The following FAM193A variants were observed in gnomAD, a reference collection of about 807,000 sequenced individuals.
The protein encoded by FAM193A is protein FAM193A.
In FAM193A, 22 loss-of-function variants were observed where a neutral mutation model predicts 126.5. The observed-to-expected ratio is 0.17, with a 90% CI of 0.12 to 0.25. The LOEUF is 0.25. Ranked by LOEUF, FAM193A falls within the 10% of genes least tolerant of loss-of-function variation. FAM193A has a pLI of 1.00. For synonymous variants in FAM193A, 761 were observed against 646.8 expected, an observed-to-expected ratio of 1.18 and a Z score of -2.68; for missense variants, 1,675 against 1,672.8, an observed-to-expected ratio of 1.00 and a Z score of -0.02.
At chr4:2,686,558 A>C (rs1434870755) in intron 13 of FAM193A, among the ~76,000 whole-genome samples, 1 of 149,216 alleles carries the variant, frequency 6.7e-6, no homozygotes, top group Non-Finnish European at 1.5e-5. Context: ...GTGGTTTTGC[A>C]GAGGAGGTGA....
rs563980294 is a variant in FAM193A at position 2,556,849 on chromosome 4, C to T, written c.255+19679C>T. Among the ~76,000 whole-genome samples, 4 of 152,222 alleles carry T rather than the reference C, an allele frequency of 2.6e-5. No individual in the cohort carries two copies. The East Asian group carries it at 7.7e-4, about 29-fold the overall frequency. Reference sequence around the variant, plus strand: ...ACATTGTTCTCTTGAATATTTTGAGCACCATGTTAGATAGAGCTTGAAACT... The same window carrying T: ...ACATTGTTCTCTTGAATATTTTGAGTACCATGTTAGATAGAGCTTGAAACT... On this transcript the variant is annotated intron_variant, in intron 1 of 20. Coordinates refer to ENST00000637812, the MANE Select transcript of FAM193A (RefSeq NM_001366318.2).
Position 2,646,725 on chromosome 4 carries a change from T to C in FAM193A, c.1204T>C (p.Tyr402His). The C allele has an allele frequency of 6.2e-7, 1 of 1,613,954 alleles. No individual in the cohort carries two copies. Among genetic ancestry groups the C allele is most frequent in the Middle Eastern group, 1.7e-4 (1 of 6,060 alleles). ...TTHDTCSEDTYSTLLQRYQRS... is the reference protein window; with the variant it reads ...TTHDTCSEDTHSTLLQRYQRS... ...ACACGACACCTGCAGTGAGGACACA[T>C]ACAGTACCTTGCTGCAGAGGTACCA... Residue 402 changes from tyrosine to histidine, a missense_variant, in exon 7 of 21, where the codon TAC becomes CAC. Transcript: ENST00000637812.
At chr4:2,549,398 T>C (rs1166198638) in intron 1 of FAM193A, among the ~76,000 whole-genome samples, 26 of 137,100 alleles carry the variant, frequency 1.9e-4, no homozygotes, top group Non-Finnish European at 3.4e-4. Context: ...TTTTTTTCTT[T>C]TTTTTTTTTT....
intron 5 of FAM193A, among the ~76,000 whole-genome samples, chr4:2,634,922 A>G: frequency 6.6e-6 from 1 of 152,212 alleles, no homozygotes; most frequent in Non-Finnish European, 1.5e-5. Flanking sequence ...TGCGCAGTTA[A>G]TCAGCATTTT....
chr4:2,724,017 C>T (rs925769258), intron 20 of FAM193A, among the ~76,000 whole-genome samples: 3 of 116,340 alleles, frequency 2.6e-5, no homozygotes, highest in Non-Finnish European at 1.8e-5. Flanking sequence ...TGGCATGAGG[C>T]CAACAGAATG....
At chr4:2,586,451 G>T (rs962148577) in intron 1 of FAM193A, among the ~76,000 whole-genome samples, 4 of 151,734 alleles carry the variant, frequency 2.6e-5, no homozygotes, top group African/African-American at 9.7e-5. Flanking sequence ...CCCGGTTTGG[G>T]TATCTAGTTG....
At chr4:2,630,330 TA>T (rs3037154) in intron 4 of FAM193A, among the ~76,000 whole-genome samples, 7,242 of 149,160 alleles carry the variant, frequency 0.049, 529 homozygotes, top group African/African-American at 0.16. Context: ...GGATAATTGT[TA>T]AAAAAAAAAG....
intron 2 of FAM193A, among the ~76,000 whole-genome samples, chr4:2,603,284 T>C (rs1366902745): frequency 1.8e-4 from 1 of 5,518 alleles, no homozygotes; most frequent in Non-Finnish European, 3.6e-4. Context: ...GCGCCTGGCT[T>C]TTTTTGTTTT....
intron 20 of FAM193A, among the ~76,000 whole-genome samples, chr4:2,731,488 G>T (rs763545088): frequency 2.0e-5 from 3 of 151,900 alleles, no homozygotes. Flanking sequence ...ACCCTGCCTG[G>T]GCCTGATAAT....
intron 19 of FAM193A, among the ~76,000 whole-genome samples, chr4:2,714,110 T>G (rs1290922213): frequency 1.3e-5 from 2 of 152,204 alleles, no homozygotes; most frequent in African/African-American, 4.8e-5. Flanking sequence ...TCTTTTCTTC[T>G]AGAACTTCTT....
chr4:2,541,547 G>A (rs1045283555), intron 1 of FAM193A, among the ~76,000 whole-genome samples: 6 of 150,298 alleles, frequency 4.0e-5, no homozygotes, highest in Non-Finnish European at 7.4e-5. Context: ...CTGGGTTCAA[G>A]CGATTCTCCT....
intron 20 of FAM193A, among the ~76,000 whole-genome samples, chr4:2,717,483 C>G (rs1445340107): frequency 6.6e-6 from 1 of 151,604 alleles, no homozygotes; most frequent in Non-Finnish European, 1.5e-5. Flanking sequence ...GTAATCCCAG[C>G]TACTCAGGAG....
intron 6 of FAM193A, among the ~76,000 whole-genome samples, chr4:2,645,827 G>A (rs376161592): frequency 2.6e-4 from 40 of 152,172 alleles, no homozygotes; most frequent in Admixed American, 2.2e-3. Flanking sequence ...GCACCTGACC[G>A]CCGTCTTTCT....
intron 2 of FAM193A, among the ~76,000 whole-genome samples, chr4:2,621,607 A>G (rs1742549389): frequency 1.3e-5 from 2 of 152,266 alleles, no homozygotes; most frequent in African/African-American, 2.4e-5. Context: ...AGAATGGATG[A>G]TTAGTACATA....
At chr4:2,730,042 A>G (rs1162911917) in intron 20 of FAM193A, among the ~76,000 whole-genome samples, 1 of 152,302 alleles carries the variant, frequency 6.6e-6, no homozygotes, top group Non-Finnish European at 1.5e-5. Context: ...AGCTGGGACT[A>G]TAGGCACATA....
chr4:2,610,370 T>C (rs1258919333), intron 2 of FAM193A, among the ~76,000 whole-genome samples: 2 of 152,236 alleles, frequency 1.3e-5, no homozygotes. Flanking sequence ...CTAGTATTGG[T>C]CCTTACCTTG....
chr4:2,676,940 CA>C (rs1003055909), intron 13 of FAM193A, among the ~76,000 whole-genome samples: 71 of 143,484 alleles, frequency 4.9e-4, no homozygotes, highest in Admixed American at 4.8e-4. Flanking sequence ...GATTCCGTCT[CA>C]AAAAAAAAAA....
chr4:2,548,138 C>A (rs534278052), intron 1 of FAM193A, among the ~76,000 whole-genome samples: 1 of 146,930 alleles, frequency 6.8e-6, no homozygotes, highest in Non-Finnish European at 1.5e-5. Flanking sequence ...GTGGCACGAT[C>A]TCGGCTCACT....
At chr4:2,553,120 T>A (rs1024469359) in intron 1 of FAM193A, among the ~76,000 whole-genome samples, 1 of 152,148 alleles carries the variant, frequency 6.6e-6, no homozygotes, top group Non-Finnish European at 1.5e-5. Context: ...CGTGCTGGGA[T>A]TACGGGCTTG....
Sources: gnomAD v4.1 joint callset for allele counts (sites outside exome capture counted in the v4.1 genomes callset) on GRCh38, gnomAD v4.1.1 for gene constraint, MANE v1.5 for transcripts, NCBI Gene and HGNC (gene_info 2026-07-23, HGNC 2026-07-21) for gene names.